Variants in ZBTB25 observed in about 807,000 individuals in gnomAD.
ZBTB25 encodes the protein zinc finger and BTB domain containing 25, also known as zinc finger and BTB domain-containing protein 25.
Under a neutral mutation model 34.2 loss-of-function variants are expected in ZBTB25, and 20 were observed. That is an observed-to-expected ratio of 0.58 (90% CI 0.41 to 0.85). ZBTB25 has a LOEUF of 0.85. Among genes scored for constraint, ZBTB25 ranks in the 40% least tolerant of loss-of-function variants. ZBTB25 has a pLI of 0.00. For synonymous variants in ZBTB25, 175 were observed against 186.4 expected (o/e 0.94, Z 0.50); for missense variants, 437 against 521.8 (o/e 0.84, Z 1.58).
chr14:64,478,632 T>A lies in ZBTB25; in HGVS notation c.*8291A>T, dbSNP rs983158643. On this transcript the variant is annotated 3_prime_UTR_variant, in exon 3 of 3. Coordinates refer to ENST00000608382, the MANE Select transcript of ZBTB25 (RefSeq NM_006977.5). The stretch of plus-strand genomic sequence containing the variant: ...AGAAATGCTCAATGTAGCACAATAA[T>A]GTGATATTTTAAAAAGTTATCTGCT... 2.0e-5 allele frequency: 3 copies of A among 152,164 alleles called. No homozygotes were observed. The highest frequency in any genetic ancestry group is 6.5e-5 in the Admixed American group (1 of 15,276). The allele number at this position is 152,164 out of a possible 1,614,324, so 9.4% of individuals were successfully genotyped here. A position where few individuals can be genotyped will look rare whatever the true frequency, so the allele number is the denominator to read the frequency against.
At chr14:64,450,255 T>C (rs551154524) in intron 2 of ZBTB25, among the ~76,000 whole-genome samples, 1 of 152,364 alleles carries the variant, frequency 6.6e-6, no homozygotes, top group South Asian at 2.1e-4. Flanking sequence ...TGTAATTCAC[T>C]GTAGCCTTTA....
Position 64,490,208 on chromosome 14 carries a change from C to CAAA in ZBTB25, c.173+150_173+152dup, listed in dbSNP as rs61367816. 6.3e-4 allele frequency among the ~76,000 whole-genome samples: 57 copies of CAAA among 90,946 alleles called. 5 individuals are homozygous for CAAA. The highest frequency in any genetic ancestry group is 1.3e-3 in the African/African-American group (21 of 16,168). The allele number at this position is 90,946 out of a possible 152,430, so 59.7% of individuals were successfully genotyped here. ...GGGTGACAGAGCAAGACTCTGTCGCCAAAAAAAAAAAAAAAAAAAAAAAAA... is the reference window on the plus strand; with the variant it reads ...GGGTGACAGAGCAAGACTCTGTCGCCAAAAAAAAAAAAAAAAAAAAAAAAAAAA... On this transcript the variant is annotated intron_variant, in intron 2 of 2. Transcript: ENST00000608382.
intron 1 of ZBTB25, among the ~76,000 whole-genome samples, chr14:64,491,583 A>G (rs1242275638): frequency 6.6e-6 from 1 of 152,232 alleles, no homozygotes; most frequent in Non-Finnish European, 1.5e-5. Context: ...GGAAGCCTAT[A>G]TGAGGAAGAA....
At chr14:64,470,791 G>A (rs1472257157) in intron 2 of ZBTB25, 1 of 166,854 alleles carries the variant, frequency 6.0e-6, no homozygotes, top group East Asian at 1.9e-4. Context: ...AAAACAAGGG[G>A]AATATTATTC....
chr14:64,503,984 A>G (rs2079589866), upstream of ZBTB25: 1 of 152,118 alleles, frequency 6.6e-6, no homozygotes, highest in African/African-American at 2.4e-5. Context: ...AGGCGGAAGC[A>G]TAGGGACAAG....
At chr14:64,462,687 T>C (rs887610345) in intron 2 of ZBTB25, 4 of 152,204 alleles carry the variant, frequency 2.6e-5, no homozygotes, top group African/African-American at 9.7e-5. Flanking sequence ...TCAAAAGAGA[T>C]AGCATTTATG....
chr14:64,475,887 C>G (rs537582636), downstream of ZBTB25, among the ~76,000 whole-genome samples: 2 of 152,310 alleles, frequency 1.3e-5, no homozygotes, highest in East Asian at 3.9e-4. Flanking sequence ...GATGCACTTT[C>G]CCCACCACTT....
chr14:64,504,564 C>G (rs2079606582), upstream of ZBTB25: 1 of 201,518 alleles, frequency 5.0e-6, no homozygotes, highest in Admixed American at 6.0e-5. Context: ...CCAGCCTCCT[C>G]GGAGCTCGAC....
Position 64,487,281 on chromosome 14 carries a change from G to A in ZBTB25, c.950C>T (p.Thr317Ile). The change falls in exon 3 of 3, where the codon ACA (threonine) becomes ATA (isoleucine). Residue 317 changes from threonine to isoleucine, a missense_variant. Physicochemically the swap from Thr to Ile is moderately conservative, Grantham distance 89. Coordinates refer to ENST00000608382, the MANE Select transcript of ZBTB25 (RefSeq NM_006977.5). Reference protein sequence around the residue: ...QQPDHTNRGTTEPLQISQVSL... With the variant: ...QQPDHTNRGTIEPLQISQVSL... ...TACTTGACTGATCTGCAAAGGCTCT[G>A]TGGTACCCCGGTTGGTGTGGTCTGG... is the stretch of plus-strand genomic sequence containing the variant. 1 of 1,614,064 alleles carries A rather than the reference G, an allele frequency of 6.2e-7. No homozygotes were observed. The highest frequency in any genetic ancestry group is 1.1e-5 in the South Asian group (1 of 91,076).
Position 64,485,364 on chromosome 14 carries a change from C to T in ZBTB25, c.*1559G>A, listed in dbSNP as rs2078846888. 4 of 984,914 alleles carry T rather than the reference C, an allele frequency of 4.1e-6. No homozygotes were observed. Among genetic ancestry groups the T allele is most frequent in the African/African-American group, 1.7e-5 (1 of 57,154 alleles). 61.0% of individuals were successfully genotyped at this position (984,914 alleles called of 1,614,324 possible). The stretch of plus-strand genomic sequence containing the variant: ...TGAAGCTTAGAATTTAACAAGAGGG[C>T]AAAAAAAGATGAGTCTGTTTTATTA... On this transcript the variant is annotated 3_prime_UTR_variant, in exon 3 of 3. Transcript: ENST00000608382.
intron 2 of ZBTB25, chr14:64,460,549 G>A (rs1294269065): frequency 6.6e-6 from 1 of 152,038 alleles, no homozygotes; most frequent in African/African-American, 2.4e-5. Context: ...GGAGTGCAGT[G>A]GCGCGATCTC....
At chr14:64,503,368 G>A (rs2079563064) in intron 1 of ZBTB25, 3 of 985,004 alleles carry the variant, frequency 3.0e-6, no homozygotes, top group Non-Finnish European at 3.6e-6. Context: ...ACCCGCGGCC[G>A]GGACGGCTCT....
At position 64,478,650 on chromosome 14, in the gene ZBTB25, T is replaced by C. The variant is rs1392574336; in HGVS notation, c.*8273A>G. The stretch of plus-strand genomic sequence containing the variant: ...ACAATAATGTGATATTTTAAAAAGT[T>C]ATCTGCTGAGATATGTACATGTAAA... On this transcript the variant is annotated 3_prime_UTR_variant, in exon 3 of 3. Coordinates refer to ENST00000608382, the MANE Select transcript of ZBTB25 (RefSeq NM_006977.5). 1 of 152,222 alleles carries C rather than the reference T, an allele frequency of 6.6e-6. No individual in the cohort carries two copies. Among genetic ancestry groups the C allele is most frequent in the Non-Finnish European group, 1.5e-5 (1 of 68,038 alleles). The allele number at this position is 152,222 out of a possible 1,614,324, so 9.4% of individuals were successfully genotyped here.
intron 1 of ZBTB25, among the ~76,000 whole-genome samples, chr14:64,497,087 G>A (rs1319534003): frequency 6.6e-6 from 1 of 151,886 alleles, no homozygotes; most frequent in Non-Finnish European, 1.5e-5. Flanking sequence ...TTACACTGTT[G>A]GCAGATTTTG....
chr14:64,495,083 T>C (rs932342858), intron 1 of ZBTB25, among the ~76,000 whole-genome samples: 1 of 152,264 alleles, frequency 6.6e-6, no homozygotes, highest in Admixed American at 6.5e-5. Flanking sequence ...AAATCTTCTC[T>C]GCTAAATCCA....
intron 1 of ZBTB25, among the ~76,000 whole-genome samples, chr14:64,498,548 C>T (rs28666045): frequency 0.23 from 34,952 of 152,038 alleles, 4,665 homozygotes; most frequent in Non-Finnish European, 0.31. Flanking sequence ...TGACCTCAGG[C>T]GATCCGCCTG....
intron 2 of ZBTB25, chr14:64,462,680 A>G (rs1049485879): frequency 6.6e-6 from 1 of 152,160 alleles, no homozygotes; most frequent in African/African-American, 2.4e-5. Context: ...TCTTAATTCA[A>G]AAGAGATAGC....
At chr14:64,472,129 CAAAA>C (rs1182157629) in intron 2 of ZBTB25, 3 of 166,874 alleles carry the variant, frequency 1.8e-5, no homozygotes. Flanking sequence ...ACATTAAAAA[CAAAA>C]AAGACGAGTC....
chr14:64,467,294 TTTGTAATA>T (rs1394182729), intron 2 of ZBTB25: 2 of 152,238 alleles, frequency 1.3e-5, no homozygotes, highest in African/African-American at 2.4e-5. Context: ...TACCACCATC[TTTGTAATA>T]TTGTGGTGAG....
Sources: allele counts gnomAD v4.1 joint callset (sites outside exome capture counted in the v4.1 genomes callset), GRCh38; gene constraint gnomAD v4.1.1; transcripts MANE v1.5; gene names NCBI Gene and HGNC (gene_info 2026-07-23, HGNC 2026-07-21).